The following WDR64 variants were observed in gnomAD, a reference collection of about 807,000 sequenced individuals.
WDR64 encodes the protein WD repeat-containing protein 64.
Under a neutral mutation model 139.3 loss-of-function variants are expected in WDR64, and 112 were observed. The observed-to-expected ratio is 0.80, with a 90% CI of 0.69 to 0.94. The LOEUF is 0.94. Ranked by LOEUF, WDR64 falls within the 40% of genes least tolerant of loss-of-function variation. The probability of loss-of-function intolerance (pLI) is 0.00; values close to 1 mark genes in which losing one functional copy is unlikely to be tolerated. For missense variants in WDR64, 1,206 were observed against 1,293.1 expected (o/e 0.93, Z 1.03); for synonymous variants, 444 against 437.7 (o/e 1.01, Z -0.18).
chr1:241,746,685 T>A (rs994622183), intron 13 of WDR64, among the ~76,000 whole-genome samples: 1 of 151,680 alleles, frequency 6.6e-6, no homozygotes, highest in African/African-American at 2.4e-5. Flanking sequence ...TATATTTGCA[T>A]CAGTTTGAAT....
chr1:241,769,349 T>C (rs1278135268), intron 16 of WDR64, 55 bp from the exon 17 acceptor site: 3 of 1,378,090 alleles, frequency 2.2e-6, no homozygotes, highest in East Asian at 2.5e-5. Context: ...ATCTTAGTAC[T>C]GTAAGCTCCA....
In WDR64 at chr1:241,802,111, A is replaced by G. The variant is rs1659543075; in HGVS notation, c.*896A>G. The G allele has an allele frequency of 5.0e-6, 2 of 398,046 alleles. No homozygotes were observed. The highest frequency in any genetic ancestry group is 3.6e-5 in the East Asian group (1 of 27,946). 24.7% of individuals were successfully genotyped at this position (398,046 alleles called of 1,614,324 possible). A position where few individuals can be genotyped will look rare whatever the true frequency, so the allele number is the denominator to read the frequency against. On this transcript the variant is annotated 3_prime_UTR_variant, in exon 28 of 28. Coordinates refer to ENST00000437684, the MANE Select transcript of WDR64 (RefSeq NM_001367482.1). ...ACAAGAATCTTTATAAAAGTTTTAT[A>G]AAGTTATTAATAATAACTCAAAAAA...
chr1:241,740,359 C>T (rs1669489766), intron 11 of WDR64, among the ~76,000 whole-genome samples: 1 of 152,252 alleles, frequency 6.6e-6, no homozygotes. Flanking sequence ...TATGATTTGA[C>T]TATCTGGTTA....
At chr1:241,744,321 A>T (rs976343230) in intron 12 of WDR64, 72 bp from the exon 13 acceptor site, 176 of 1,574,790 alleles carry the variant, frequency 1.1e-4, no homozygotes, top group Non-Finnish European at 1.2e-4. Context: ...TGTTTTGAAT[A>T]TGGTGTAATT....
chr1:241,728,015 GA>G, intron 10 of WDR64, among the ~76,000 whole-genome samples: 1 of 151,842 alleles, frequency 6.6e-6, no homozygotes, highest in Non-Finnish European at 1.5e-5. Context: ...CTAGGAAAAG[GA>G]AAAGGGCAAT....
rs139031265 is a variant in WDR64 at position 241,705,744 on chromosome 1, C to T, written c.975-6058C>T. 5.4e-3 allele frequency among the ~76,000 whole-genome samples: 819 copies of T among 152,074 alleles called. 5 individuals are homozygous for T. Among genetic ancestry groups the T allele is most frequent in the African/African-American group, 0.019 (784 of 41,480 alleles). ...CTGCAGATACAGATGTGTGCCAACA[C>T]GCCCGGCTAATTTTTCTTAATTTTG... On this transcript the variant is annotated intron_variant, in intron 8 of 27. Transcript: ENST00000437684.
chr1:241,684,694 A>G (rs2148112384), intron 7 of WDR64, among the ~76,000 whole-genome samples: 1 of 152,218 alleles, frequency 6.6e-6, no homozygotes, highest in East Asian at 1.9e-4. Context: ...AACCATTAAT[A>G]CATTGGGACT....
rs762647574 is a variant in WDR64 at position 241,795,307 on chromosome 1, A to G, written c.3078+20A>G. 4 of 1,602,856 alleles carry G rather than the reference A, an allele frequency of 2.5e-6. No individual in the cohort carries two copies. The highest frequency in any genetic ancestry group is 2.2e-5 in the East Asian group (1 of 44,526). ...TACAGTGTGAGTTGGAGTTTCTAGGAGTAGAGGGGTCACAGAACAGTAGAG... is the reference window on the plus strand; with the variant it reads ...TACAGTGTGAGTTGGAGTTTCTAGGGGTAGAGGGGTCACAGAACAGTAGAG... On this transcript the variant is annotated intron_variant, in intron 26 of 27. Coordinates refer to ENST00000437684, the MANE Select transcript of WDR64 (RefSeq NM_001367482.1).
At chr1:241,770,005 C>T (rs1179748477) in intron 17 of WDR64, among the ~76,000 whole-genome samples, 1 of 152,150 alleles carries the variant, frequency 6.6e-6, no homozygotes, top group African/African-American at 2.4e-5. Flanking sequence ...TGCATAAGAG[C>T]TCTGGTTTGC....
At chr1:241,762,813 G>A (rs1207075025) in intron 15 of WDR64, among the ~76,000 whole-genome samples, 1 of 151,112 alleles carries the variant, frequency 6.6e-6, no homozygotes, top group African/African-American at 2.4e-5. Context: ...GCTGGTTTAT[G>A]GAATTTGGAA....
chr1:241,697,749 T>A (rs952489017), intron 8 of WDR64, among the ~76,000 whole-genome samples: 1 of 152,186 alleles, frequency 6.6e-6, no homozygotes, highest in Non-Finnish European at 1.5e-5. Context: ...AGTTCCTTGA[T>A]GTTATTCATT....
intron 8 of WDR64, among the ~76,000 whole-genome samples, chr1:241,705,339 A>G (rs1479620026): frequency 6.6e-6 from 1 of 151,982 alleles, no homozygotes; most frequent in Admixed American, 6.6e-5. Flanking sequence ...CAGGAGATCG[A>G]GACCATCCCG....
rs754810472 is a variant in WDR64 at position 241,779,829 on chromosome 1, C to CAAAT, written c.2537-155_2537-152dup. On this transcript the variant is annotated intron_variant, in intron 21 of 27. Coordinates refer to ENST00000437684, the MANE Select transcript of WDR64 (RefSeq NM_001367482.1). The stretch of plus-strand genomic sequence containing the variant: ...TGGGCTACAAAGCGAGACTCCATCT[C>CAAAT]AAATAAATAAATAAATAAATAAAAA... 8.2e-4 allele frequency among the ~76,000 whole-genome samples: 124 copies of CAAAT among 152,080 alleles called. 1 individual carries two copies. The highest frequency in any genetic ancestry group is 3.4e-3 in the Middle Eastern group (1 of 294).
At position 241,801,325 on chromosome 1, in the gene WDR64, C is replaced by T. The variant is rs1051864654; in HGVS notation, c.*110C>T. On this transcript the variant is annotated 3_prime_UTR_variant, in exon 28 of 28. Transcript: ENST00000437684. The stretch of plus-strand genomic sequence containing the variant: ...AACCACCAGACACTATCAGTCATCT[C>T]TGGTGTCAGGCCATCCTATTGATGG... 4.9e-5 allele frequency: 46 copies of T among 939,708 alleles called. No individual in the cohort carries two copies. Among genetic ancestry groups the T allele is most frequent in the Admixed American group, 1.2e-4 (6 of 48,016 alleles). The allele number at this position is 939,708 out of a possible 1,614,324, so 58.2% of individuals were successfully genotyped here. A position where few individuals can be genotyped will look rare whatever the true frequency, so the allele number is the denominator to read the frequency against.
chr1:241,679,686 G>A, intron 6 of WDR64, 91 bp downstream of exon 6: 2 of 1,042,402 alleles, frequency 1.9e-6, no homozygotes, highest in Non-Finnish European at 2.9e-6. Context: ...TTGAACATCA[G>A]TTTCTTCATC....
chr1:241,793,225 T>C (rs1033816705), intron 25 of WDR64, among the ~76,000 whole-genome samples: 4 of 152,184 alleles, frequency 2.6e-5, no homozygotes, highest in African/African-American at 9.7e-5. Flanking sequence ...TAAAATTATA[T>C]AAACAAAAGC....
At chr1:241,783,014 T>C (rs575613271) in intron 22 of WDR64, among the ~76,000 whole-genome samples, 1 of 152,326 alleles carries the variant, frequency 6.6e-6, no homozygotes, top group Admixed American at 6.5e-5. Context: ...AATTCTCAGT[T>C]ACATGATAAA....
chr1:241,735,733 C>T (rs961625932), intron 10 of WDR64, among the ~76,000 whole-genome samples: 4 of 151,192 alleles, frequency 2.6e-5, no homozygotes, highest in Admixed American at 6.6e-5. Flanking sequence ...CAGAGTTTTA[C>T]CATGTTGGCC....
At chr1:241,754,670 A>G (rs1476377808) in intron 14 of WDR64, among the ~76,000 whole-genome samples, 1 of 152,020 alleles carries the variant, frequency 6.6e-6, no homozygotes, top group Non-Finnish European at 1.5e-5. Flanking sequence ...TGCTGCACCC[A>G]TCAACCCGTC....
Sources: gnomAD v4.1 joint callset for allele counts (sites outside exome capture counted in the v4.1 genomes callset) on GRCh38, gnomAD v4.1.1 for gene constraint, MANE v1.5 for transcripts, NCBI Gene and HGNC (gene_info 2026-07-23, HGNC 2026-07-21) for gene names.